Variants in WWOX observed in about 807,000 individuals in gnomAD.
WWOX encodes the protein WW domain-containing oxidoreductase.
A neutral mutation model predicts 46.2 loss-of-function variants in WWOX; 69 were observed. That is an observed-to-expected ratio of 1.49 (90% CI 1.23 to 1.82). The LOEUF (loss-of-function observed/expected upper bound fraction) is 1.82. Ranked by LOEUF, WWOX falls within the 40% of genes most tolerant of loss-of-function variation. The pLI is 0.00. For missense variants in WWOX, 919 were observed against 542.6 expected, an observed-to-expected ratio of 1.69 and a Z score of -6.89; for synonymous variants, 359 against 202.6, an observed-to-expected ratio of 1.77 and a Z score of -6.56.
At chr16:78,814,324 C>T (rs555907148) in intron 8 of WWOX, among the ~76,000 whole-genome samples, 14 of 152,094 alleles carry the variant, frequency 9.2e-5, no homozygotes, top group Admixed American at 9.2e-4. Context: ...TCTCCTTTTC[C>T]CTAAAAAACT....
intron 8 of WWOX, among the ~76,000 whole-genome samples, chr16:78,929,128 A>G (rs1349484865): frequency 1.3e-5 from 2 of 152,226 alleles, no homozygotes; most frequent in Non-Finnish European, 1.5e-5. Flanking sequence ...CGCTCTCTCA[A>G]GAAATCCATT....
At chr16:78,809,235 G>C (rs1378267350) in intron 8 of WWOX, among the ~76,000 whole-genome samples, 1 of 148,604 alleles carries the variant, frequency 6.7e-6, no homozygotes, top group Non-Finnish European at 1.5e-5. Context: ...TGAAATGGTT[G>C]TCTGAGCAGA....
At chr16:79,034,374 T>C (rs1265779839) in intron 8 of WWOX, among the ~76,000 whole-genome samples, 2 of 152,202 alleles carry the variant, frequency 1.3e-5, no homozygotes, top group African/African-American at 4.8e-5. Flanking sequence ...ATAATGAAAT[T>C]GTATGCAAAG....
At chr16:78,323,308 T>C (rs2080530542) in intron 5 of WWOX, among the ~76,000 whole-genome samples, 1 of 152,178 alleles carries the variant, frequency 6.6e-6, no homozygotes, top group Non-Finnish European at 1.5e-5. Context: ...GGTTTCACCA[T>C]GTTAGCCAGG....
At chr16:78,409,432 C>G (rs1025081742) in intron 6 of WWOX, among the ~76,000 whole-genome samples, 5 of 152,076 alleles carry the variant, frequency 3.3e-5, no homozygotes, top group Non-Finnish European at 2.9e-5. Context: ...AGTTGTTTGT[C>G]TTCTCTGCAA....
intron 8 of WWOX, among the ~76,000 whole-genome samples, chr16:79,041,528 C>A (rs16949366): frequency 0.1 from 15,771 of 152,172 alleles, 944 homozygotes; most frequent in Admixed American, 0.15. Context: ...CAGAACTCAT[C>A]AGCTGCTTAG....
At chr16:78,823,016 A>T (rs1253262752) in intron 8 of WWOX, among the ~76,000 whole-genome samples, 2 of 152,178 alleles carry the variant, frequency 1.3e-5, no homozygotes, top group Non-Finnish European at 2.9e-5. Flanking sequence ...GAAATATTGG[A>T]TTCATATTCA....
intron 8 of WWOX, chr16:78,496,308 A>G (rs976910432): frequency 2.0e-5 from 3 of 152,242 alleles, no homozygotes; most frequent in African/African-American, 4.8e-5. Context: ...TGCAGTCATC[A>G]CTGATGTTCT....
intron 8 of WWOX, among the ~76,000 whole-genome samples, chr16:78,847,915 C>T (rs1263479110): frequency 1.3e-5 from 2 of 152,160 alleles, no homozygotes; most frequent in Admixed American, 6.5e-5. Context: ...TGTTTCGTTG[C>T]TTACAACCCT....
At chr16:78,277,093 A>G (rs75312318) in intron 5 of WWOX, among the ~76,000 whole-genome samples, 11,796 of 152,180 alleles carry the variant, frequency 0.078, 522 homozygotes, top group Middle Eastern at 0.2. Flanking sequence ...TTTTGGATAC[A>G]TTCTCTTAAC....
At chr16:78,630,500 G>C (rs1441046930) in intron 8 of WWOX, among the ~76,000 whole-genome samples, 1 of 152,152 alleles carries the variant, frequency 6.6e-6, no homozygotes. Flanking sequence ...TGGACACTGA[G>C]TCCCTAATAC....
At chr16:78,686,791 G>A (rs1597445428) in intron 8 of WWOX, among the ~76,000 whole-genome samples, 1 of 152,184 alleles carries the variant, frequency 6.6e-6, no homozygotes, top group Non-Finnish European at 1.5e-5. Flanking sequence ...CAGAGACAGA[G>A]TTGACTTGCA....
At chr16:78,440,442 C>G (rs576731608) in intron 8 of WWOX, among the ~76,000 whole-genome samples, 129 of 152,250 alleles carry the variant, frequency 8.5e-4, no homozygotes, top group African/African-American at 2.8e-3. Flanking sequence ...GTTTTGGTCT[C>G]TCAGATTATA....
chr16:78,196,048 C>T (rs867641057), intron 5 of WWOX, among the ~76,000 whole-genome samples: 1 of 152,076 alleles, frequency 6.6e-6, no homozygotes, highest in Non-Finnish European at 1.5e-5. Context: ...TGCCTTATCT[C>T]GATGATGGGC....
chr16:78,433,204 A>C (rs1287995842), intron 8 of WWOX, among the ~76,000 whole-genome samples: 1 of 152,138 alleles, frequency 6.6e-6, no homozygotes, highest in Non-Finnish European at 1.5e-5. Context: ...CTTTTGTTCT[A>C]AATTTTTTTC....
intron 5 of WWOX, among the ~76,000 whole-genome samples, chr16:78,189,201 G>A (rs995994971): frequency 2.6e-5 from 4 of 152,192 alleles, no homozygotes; most frequent in African/African-American, 7.2e-5. Context: ...AGATTCCAGA[G>A]GTGGCGTGGG....
At chr16:79,054,167 G>C (rs1649748129) in intron 8 of WWOX, among the ~76,000 whole-genome samples, 1 of 152,166 alleles carries the variant, frequency 6.6e-6, no homozygotes, top group South Asian at 2.1e-4. Context: ...ATAATTATGA[G>C]CTGCATGTAC....
chr16:79,010,825 G>A (rs2047289028), intron 8 of WWOX, among the ~76,000 whole-genome samples: 1 of 151,180 alleles, frequency 6.6e-6, no homozygotes, highest in Non-Finnish European at 1.5e-5. Flanking sequence ...CGGGGGTGGG[G>A]GTTCAGTGAC....
intron 6 of WWOX, among the ~76,000 whole-genome samples, chr16:78,394,053 G>A (rs1322488138): frequency 6.6e-6 from 1 of 151,962 alleles, no homozygotes; most frequent in Non-Finnish European, 1.5e-5. Context: ...GAAGTGGGTG[G>A]GCTATAAATT....
Sources: gnomAD v4.1 joint callset for allele counts (sites outside exome capture counted in the v4.1 genomes callset) on GRCh38, gnomAD v4.1.1 for gene constraint, MANE v1.5 for transcripts, NCBI Gene and HGNC (gene_info 2026-07-23, HGNC 2026-07-21) for gene names.